Variants in LZTFL1 observed in about 807,000 individuals in gnomAD.
LZTFL1 encodes the protein leucine zipper transcription factor like 1, also known as leucine zipper transcription factor-like protein 1.
In LZTFL1, 25 loss-of-function variants were observed where a neutral mutation model predicts 45.9. That is an observed-to-expected ratio of 0.54 (90% CI 0.40 to 0.76). The LOEUF is 0.76. LZTFL1 is among the 30% of genes least tolerant of loss of function. The pLI is 0.00. For synonymous variants in LZTFL1, 93 were observed against 117.4 expected, an observed-to-expected ratio of 0.79 and a Z score of 1.35; for missense variants, 277 against 331.1, an observed-to-expected ratio of 0.84 and a Z score of 1.27.
rs13321850 is a variant in LZTFL1, at chr3:45,909,342, T to C, written c.-215+3778A>G. On this transcript the variant is annotated intron_variant, in intron 2 of 4. Coordinates refer to the LZTFL1 transcript ENST00000472635. ...AAACTGGTCCCTGGTGTCAAAAAGG[T>C]TGGGGACCGCTGGTATAATGAAGAT... 4.6e-5 allele frequency among the ~76,000 whole-genome samples: 7 copies of C among 152,192 alleles called. No individual in the cohort carries two copies. In the East Asian group the frequency reaches 1.4e-3, roughly 29 times the overall value.
At chr3:45,878,044 C>A (rs1305498780) in intron 2 of LZTFL1, among the ~76,000 whole-genome samples, 2 of 152,142 alleles carry the variant, frequency 1.3e-5, no homozygotes, top group East Asian at 1.9e-4. Context: ...CCGCGCCCAG[C>A]CCATTTACTA....
chr3:45,890,352 T>TAAATATATATATATATAAC (rs1702137743), intron 2 of LZTFL1, among the ~76,000 whole-genome samples: 2 of 16,170 alleles, frequency 1.2e-4, no homozygotes, highest in African/African-American at 5.0e-4. Context: ...ATATATAACA[T>TAAATATATATATATATAAC]ATATATATAT....
intron 7 of LZTFL1, 88 bp from the exon 8 acceptor site, chr3:45,828,703 G>GA: frequency 8.6e-7 from 1 of 1,158,918 alleles, no homozygotes. Context: ...CATAGGAGAT[G>GA]AAAAAAATGA....
chr3:45,858,147 C>T (rs1701424883), intron 3 of LZTFL1, among the ~76,000 whole-genome samples: 1 of 152,040 alleles, frequency 6.6e-6, no homozygotes, highest in Non-Finnish European at 1.5e-5. Flanking sequence ...TATCCATTTC[C>T]AAGAAGAATA....
At chr3:45,888,419 T>C (rs1013408062) in intron 2 of LZTFL1, among the ~76,000 whole-genome samples, 18 of 152,244 alleles carry the variant, frequency 1.2e-4, no homozygotes, top group African/African-American at 3.4e-4. Flanking sequence ...CCTTTGTTGT[T>C]ATTTGCAGCC....
At chr3:45,848,948 A>G (rs1701265769) in intron 4 of LZTFL1, among the ~76,000 whole-genome samples, 1 of 152,130 alleles carries the variant, frequency 6.6e-6, no homozygotes, top group South Asian at 2.1e-4. Context: ...AAAAATATCC[A>G]TGTATAAGTA....
chr3:45,911,297 T>C (rs1013882771), intron 2 of LZTFL1, among the ~76,000 whole-genome samples: 11 of 152,188 alleles, frequency 7.2e-5, no homozygotes, highest in African/African-American at 2.7e-4. Context: ...CTTTCAATGA[T>C]CCCAATCACT....
At chr3:45,839,785 C>T (rs1258622953) in intron 1 of LZTFL1, among the ~76,000 whole-genome samples, 1 of 152,184 alleles carries the variant, frequency 6.6e-6, no homozygotes, top group Non-Finnish European at 1.5e-5. Context: ...GAAATGCATA[C>T]AATTGGATCT....
At chr3:45,904,848 T>C (rs923067976) in intron 2 of LZTFL1, among the ~76,000 whole-genome samples, 9 of 152,328 alleles carry the variant, frequency 5.9e-5, no homozygotes, top group African/African-American at 2.2e-4. Flanking sequence ...CAGTTCTAAG[T>C]TGGCCTCACA....
At chr3:45,902,336 G>A (rs908588026) in intron 2 of LZTFL1, 2 of 172,456 alleles carry the variant, frequency 1.2e-5, no homozygotes, top group Admixed American at 1.3e-4. Context: ...TCGTGAAAAT[G>A]TCCATCTTTG....
At chr3:45,910,809 CA>C (rs1702780943) in intron 2 of LZTFL1, among the ~76,000 whole-genome samples, 1 of 152,152 alleles carries the variant, frequency 6.6e-6, no homozygotes, top group South Asian at 2.1e-4. Flanking sequence ...GGTATAAAAA[CA>C]ATAACCATTT....
intron 5 of LZTFL1, among the ~76,000 whole-genome samples, chr3:45,831,973 C>T (rs112869494): frequency 3.3e-5 from 5 of 152,272 alleles, no homozygotes; most frequent in African/African-American, 9.6e-5. Context: ...CGGTGGCTCA[C>T]ACCTGTAATC....
In LZTFL1 at chr3:45,900,108, A is replaced by G. The variant is rs1457772408; in HGVS notation, c.-215+13012T>C. On this transcript the variant is annotated intron_variant, in intron 2 of 4. Coordinates refer to the LZTFL1 transcript ENST00000472635. This position sits in a 1 kb window ranked among gnomAD's most constrained non-coding sequence, Gnocchi z 4.7. ...AGCTTCATGGCTGTGCAACCCACAC[A>G]GTCACATAGGGGCCCTGTGCTTAGA... 1.3e-5 allele frequency among the ~76,000 whole-genome samples: 2 copies of G among 152,226 alleles called. No homozygotes were observed. Among genetic ancestry groups the G allele is most frequent in the Non-Finnish European group, 2.9e-5 (2 of 68,044 alleles).
intron 2 of LZTFL1, among the ~76,000 whole-genome samples, chr3:45,862,750 C>T (rs1031157787): frequency 1.3e-5 from 2 of 152,198 alleles, no homozygotes; most frequent in African/African-American, 4.8e-5. Flanking sequence ...TGAGTTTATG[C>T]CAGCCGCAGT....
intron 2 of LZTFL1, among the ~76,000 whole-genome samples, chr3:45,883,174 G>C (rs903883340): frequency 1.3e-5 from 2 of 152,230 alleles, no homozygotes; most frequent in Non-Finnish European, 2.9e-5. Flanking sequence ...CTACTGAATA[G>C]AGAGGGAAGT....
intron 2 of LZTFL1, among the ~76,000 whole-genome samples, chr3:45,909,945 A>G (rs541000222): frequency 1.3e-5 from 2 of 152,380 alleles, no homozygotes; most frequent in South Asian, 4.1e-4. Context: ...TGGCTCTGAG[A>G]CAGGAAAGTG....
chr3:45,849,154 C>T (rs1701269512), intron 4 of LZTFL1, among the ~76,000 whole-genome samples: 1 of 152,134 alleles, frequency 6.6e-6, no homozygotes, highest in African/African-American at 2.4e-5. Context: ...CATGTCATGT[C>T]AACATAATGT....
At chr3:45,865,213 T>C (rs1002140546) in intron 2 of LZTFL1, among the ~76,000 whole-genome samples, 1 of 152,182 alleles carries the variant, frequency 6.6e-6, no homozygotes. Context: ...AATTGTCACA[T>C]GAGTAGAAAA....
intron 2 of LZTFL1, among the ~76,000 whole-genome samples, chr3:45,888,195 G>C (rs1702040709): frequency 6.6e-6 from 1 of 152,148 alleles, no homozygotes; most frequent in South Asian, 2.1e-4. Flanking sequence ...CCAGGTCCCT[G>C]CACATACCCC....
Sources: allele counts gnomAD v4.1 joint callset (sites outside exome capture counted in the v4.1 genomes callset), GRCh38; gene constraint gnomAD v4.1.1; non-coding constraint Gnocchi (gnomAD v3.1); transcripts MANE v1.5; gene names NCBI Gene and HGNC (gene_info 2026-07-23, HGNC 2026-07-21).